ARHGAP27: variants seen among roughly 807,000 people sequenced by gnomAD.
ARHGAP27 encodes Rho GTPase activating protein 27, also known as rho GTPase-activating protein 27.
A neutral mutation model predicts 102.0 loss-of-function variants in ARHGAP27; 53 were observed. The observed-to-expected ratio is 0.52, with a 90% CI of 0.42 to 0.65. The LOEUF (loss-of-function observed/expected upper bound fraction) is 0.65. Ranked by LOEUF, ARHGAP27 falls within the 30% of genes least tolerant of loss-of-function variation. The pLI, the probability that ARHGAP27 is intolerant of heterozygous loss-of-function variation, is 0.00. For missense variants in ARHGAP27, 1,117 were observed against 1,256.2 expected, an observed-to-expected ratio of 0.89 and a Z score of 1.68; for synonymous variants, 525 against 542.8, an observed-to-expected ratio of 0.97 and a Z score of 0.46.
Position 45,396,468 on chromosome 17 carries a change from A to AC in ARHGAP27, c.2173+18dup. The AC allele has an allele frequency of 4.0e-6, 6 of 1,512,996 alleles. No individual in the cohort carries two copies. The highest frequency in any genetic ancestry group is 2.1e-5 in the Admixed American group (1 of 47,948). The allele number at this position is 1,512,996 out of a possible 1,614,324, so 93.7% of individuals were successfully genotyped here. ...GGGCACCCCAATGCCTGCCGCCCTC[A>AC]CCCCCGCAGCGCACGTACCGCGGGC... On this transcript the variant is annotated intron_variant, in intron 16 of 19. Transcript: ENST00000685559.
rs987584615 is a variant in ARHGAP27, at chr17:45,430,559, G to A, written c.-18-262C>T. Among the ~76,000 whole-genome samples, 1 of 152,202 alleles carries A rather than the reference G, an allele frequency of 6.6e-6. No individual in the cohort carries two copies. The highest frequency in any genetic ancestry group is 1.5e-5 in the Non-Finnish European group (1 of 68,036). On this transcript the variant is annotated intron_variant, in intron 3 of 19. Coordinates refer to ENST00000685559, the MANE Select transcript of ARHGAP27 (RefSeq NM_001282290.2). The surrounding 1 kb of genome is among the most constrained non-coding windows in gnomAD (Gnocchi z 4.4). ...TTGACCCTTGCTTCAGTCCTGCGGT[G>A]GGGAGATTGTGGGTAGTCTTGGTCC... is the stretch of plus-strand genomic sequence containing the variant.
chr17:45,397,284 C>T, intron 13 of ARHGAP27: 1 of 1,358,488 alleles, frequency 7.4e-7, no homozygotes, highest in Non-Finnish European at 9.4e-7. Context: ...ATCCTGGGGA[C>T]TCCTACCCAC....
chr17:45,405,462 AG>A (rs1211800131), intron 5 of ARHGAP27, among the ~76,000 whole-genome samples: 1 of 151,746 alleles, frequency 6.6e-6, no homozygotes, highest in Non-Finnish European at 1.5e-5. Context: ...GTGGGGTCAA[AG>A]GCGCTCAGAG....
Position 45,430,031 on chromosome 17 carries a change from C to T in ARHGAP27, c.249G>A (p.Pro83=), listed in dbSNP as rs1299225948. Residue 83 remains proline (P), a synonymous_variant, in exon 4 of 20, where the codon CCG becomes CCA. Coordinates refer to ENST00000685559, the MANE Select transcript of ARHGAP27 (RefSeq NM_001282290.2). This position sits in a 1 kb window ranked among gnomAD's most constrained non-coding sequence, Gnocchi z 4.4. ...CGAGCGGCTCAGGGGCCGCGGGGCT[C>T]GGGTGGGGACCTGGCGGCGCGGCGG... is the stretch of plus-strand genomic sequence containing the variant. ...PAAAAPPGPH[P]SPAAPEPLAY... is the part of the protein sequence containing the mutation. 2 of 1,231,896 alleles carry T rather than the reference C, an allele frequency of 1.6e-6. No homozygotes were observed. Among genetic ancestry groups the T allele is most frequent in the Non-Finnish European group, 2.0e-6 (2 of 987,788 alleles). The allele number at this position is 1,231,896 out of a possible 1,614,324, so 76.3% of individuals were successfully genotyped here.
At chr17:45,422,990 G>A (rs1320925410) in intron 4 of ARHGAP27, among the ~76,000 whole-genome samples, 1 of 152,002 alleles carries the variant, frequency 6.6e-6, no homozygotes, top group Non-Finnish European at 1.5e-5. Flanking sequence ...AGACCAGCCT[G>A]GCCAACATGG....
At position 45,429,710 on chromosome 17, in the gene ARHGAP27, C is replaced by T. The variant is rs1222678329; in HGVS notation, c.570G>A (p.Pro190=). 5.8e-6 allele frequency: 9 copies of T among 1,551,840 alleles called. No homozygotes were observed. The highest frequency in any genetic ancestry group is 2.4e-5 in the South Asian group (2 of 84,826). ...ACSVAGSWVC[P]RPLARSDSEN... Reference sequence around the variant, plus strand: ...CTGAGTCGCTGCGCGCCAGAGGCCGCGGGCACACCCAGGAGCCCGCCACGC... The same window carrying T: ...CTGAGTCGCTGCGCGCCAGAGGCCGTGGGCACACCCAGGAGCCCGCCACGC... The change falls in exon 4 of 20, where the codon CCG becomes CCA. Residue 190 remains proline, a synonymous_variant. Coordinates refer to ENST00000685559, the MANE Select transcript of ARHGAP27 (RefSeq NM_001282290.2).
intron 4 of ARHGAP27, among the ~76,000 whole-genome samples, chr17:45,416,833 C>T (rs1325754564): frequency 1.3e-5 from 2 of 148,598 alleles, no homozygotes; most frequent in Admixed American, 6.6e-5. Context: ...AGGCGTGAGC[C>T]ACCGCGCCCG....
At chr17:45,432,180 C>CA in intron 2 of ARHGAP27, 36 bp downstream of exon 2, 1 of 177,902 alleles carries the variant, frequency 5.6e-6, no homozygotes, top group Non-Finnish European at 1.2e-5. Flanking sequence ...AACCGGATTG[C>CA]AAATCCGCCC....
chr17:45,409,167 A>G (rs2047591215), intron 4 of ARHGAP27: 1 of 152,330 alleles, frequency 6.6e-6, no homozygotes, highest in Admixed American at 6.5e-5. Context: ...GGAACCAGAC[A>G]CACCTCCCAT....
intron 6 of ARHGAP27, 116 bp from the exon 7 acceptor site, chr17:45,404,797 G>C: frequency 6.6e-7 from 1 of 1,511,214 alleles, no homozygotes; most frequent in South Asian, 1.2e-5. Flanking sequence ...AGGTGCAGGT[G>C]ACTGTGTTTG....
chr17:45,432,003 T>G (rs1597888790), intron 2 of ARHGAP27, among the ~76,000 whole-genome samples: 2 of 113,688 alleles, frequency 1.8e-5, no homozygotes, highest in South Asian at 3.3e-4. Context: ...CCCCCTCTAT[T>G]CCCCGCCCCC....
chr17:45,399,427 C>T (rs2046150699), intron 12 of ARHGAP27, among the ~76,000 whole-genome samples: 1 of 152,004 alleles, frequency 6.6e-6, no homozygotes, highest in Non-Finnish European at 1.5e-5. Flanking sequence ...CCTGCCACTA[C>T]TAAAAATGCA....
intron 4 of ARHGAP27, among the ~76,000 whole-genome samples, chr17:45,424,773 T>TA (rs1481993823): frequency 6.6e-6 from 1 of 151,884 alleles, no homozygotes; most frequent in Non-Finnish European, 1.5e-5. Flanking sequence ...CTAAAGAACT[T>TA]ATTCACGTAA....
chr17:45,400,637 G>A (rs992562558), intron 12 of ARHGAP27, among the ~76,000 whole-genome samples: 42 of 152,186 alleles, frequency 2.8e-4, no homozygotes, highest in African/African-American at 1.0e-3. Context: ...GTCTCAGACC[G>A]GGCATGGTGG....
Position 45,396,126 on chromosome 17 carries a change from G to A in ARHGAP27, c.2252-9C>T. On this transcript the variant is annotated splice_polypyrimidine_tract_variant and intron_variant, in intron 17 of 19. Coordinates refer to ENST00000685559, the MANE Select transcript of ARHGAP27 (RefSeq NM_001282290.2). ...CAGGTCAAGGCGCTCATCTGTGGCG[G>A]AGGAAGGGAGGAGGACGGAAGGGAA... is the stretch of plus-strand genomic sequence containing the variant. 1 of 1,607,094 alleles carries A rather than the reference G, an allele frequency of 6.2e-7. No homozygotes were observed. Among genetic ancestry groups the A allele is most frequent in the Non-Finnish European group, 8.5e-7 (1 of 1,176,054 alleles).
chr17:45,420,677 G>A (rs1444679603), intron 4 of ARHGAP27, among the ~76,000 whole-genome samples: 8 of 152,058 alleles, frequency 5.3e-5, no homozygotes, highest in Admixed American at 2.0e-4. Flanking sequence ...GATTTTGGCC[G>A]GGCGCAGTGG....
At chr17:45,410,485 C>G in intron 4 of ARHGAP27, 1 of 1,269,498 alleles carries the variant, frequency 7.9e-7, no homozygotes, top group Non-Finnish European at 1.0e-6. Flanking sequence ...GTGGAGGGGC[C>G]TCAGGTTGAG....
At position 45,404,591 on chromosome 17, in the gene ARHGAP27, A is replaced by G; in HGVS notation, c.1329+10T>C. On this transcript the variant is annotated intron_variant, in intron 7 of 19. Coordinates refer to ENST00000685559, the MANE Select transcript of ARHGAP27 (RefSeq NM_001282290.2). ...CTCTCCCCAACACCCCCCTTTCCCC[A>G]GGTTGTTACCTGGGGCAGCTCCCAT... 1 of 1,613,512 alleles carries G rather than the reference A, an allele frequency of 6.2e-7. No individual in the cohort carries two copies. Among genetic ancestry groups the G allele is most frequent in the Non-Finnish European group, 8.5e-7 (1 of 1,179,522 alleles).
At position 45,432,252 on chromosome 17, in the gene ARHGAP27, A is replaced by G; in HGVS notation, c.-187T>C. 6.4e-6 allele frequency: 1 copy of G among 156,516 alleles called. No homozygotes were observed. Among genetic ancestry groups the G allele is most frequent in the South Asian group, 1.7e-4 (1 of 5,854 alleles). The allele number at this position is 156,516 out of a possible 1,614,324, so 9.7% of individuals were successfully genotyped here. ...CCGGAGCAGCCCGGCCGGGCCTGGA[A>G]AAACTCCGAGCGGGATTCCCAGCGC... On this transcript the variant is annotated 5_prime_UTR_variant, in exon 2 of 20. Transcript: ENST00000685559.
Sources: gnomAD v4.1 joint callset for allele counts (sites outside exome capture counted in the v4.1 genomes callset) on GRCh38, gnomAD v4.1.1 for gene constraint, Gnocchi (gnomAD v3.1) non-coding constraint, MANE v1.5 for transcripts, NCBI Gene and HGNC (gene_info 2026-07-23, HGNC 2026-07-21) for gene names.